The following CDH7 variants were observed in gnomAD, a reference collection of about 807,000 sequenced individuals.
CDH7 encodes cadherin 7.
A neutral mutation model predicts 71.8 loss-of-function variants in CDH7; 25 were observed. The observed-to-expected ratio is 0.35, with a 90% CI of 0.25 to 0.49. The LOEUF (loss-of-function observed/expected upper bound fraction) is 0.49. Among genes scored for constraint, CDH7 ranks in the 20% least tolerant of loss-of-function variants. CDH7 has a pLI of 0.99. For synonymous variants in CDH7, 381 were observed against 363.8 expected, an observed-to-expected ratio of 1.05 and a Z score of -0.54; for missense variants, 862 against 974.6, an observed-to-expected ratio of 0.88 and a Z score of 1.54.
intron 2 of CDH7, among the ~76,000 whole-genome samples, chr18:65,804,518 T>C (rs2143892338): frequency 6.6e-6 from 1 of 152,322 alleles, no homozygotes; most frequent in South Asian, 2.1e-4. Flanking sequence ...AGGTAGTTCA[T>C]ATCATGCTTA....
intron 2 of CDH7, among the ~76,000 whole-genome samples, chr18:65,772,057 G>A (rs1916560202): frequency 6.6e-6 from 1 of 152,094 alleles, no homozygotes. Context: ...CCCTTAGAAT[G>A]TTTGCTTATC....
At chr18:65,780,666 C>A (rs1655346253) in intron 2 of CDH7, among the ~76,000 whole-genome samples, 1 of 150,054 alleles carries the variant, frequency 6.7e-6, no homozygotes, top group Non-Finnish European at 1.5e-5. Flanking sequence ...TGATCTATAT[C>A]TCTGTTTTGG....
intron 7 of CDH7, among the ~76,000 whole-genome samples, chr18:65,853,646 T>TGGATGTTCA (rs1375501232): frequency 6.6e-6 from 1 of 152,010 alleles, no homozygotes; most frequent in South Asian, 2.1e-4. Context: ...AGGACTGTTC[T>TGGATGTTCA]GGATGTTCAG....
At position 65,862,670 on chromosome 18, in the gene CDH7, C is replaced by A. The variant is rs547647013; in HGVS notation, c.1617C>A (p.Asn539Lys). The A allele has an allele frequency of 2.5e-6, 4 of 1,613,976 alleles. No individual in the cohort carries two copies. The South Asian group carries it at 4.4e-5, about 18-fold the overall frequency. ...CATTTGCTTTCGTTATCCTAGACAA[C>A]ACAGCCTCAATACTGACCAGGAGAA... is the stretch of plus-strand genomic sequence containing the variant. ...HNFSLKDNKDNTASILTRRNG... is the reference protein window; with the variant it reads ...HNFSLKDNKDKTASILTRRNG... The change falls in exon 11 of 12, where the codon AAC becomes AAA. Residue 539 changes from asparagine (N) to lysine (K), a missense_variant. Asn to Lys is a moderately conservative substitution (Grantham distance 94). Transcript: ENST00000397968.
At chr18:65,854,131 C>A (rs1390235950) in intron 7 of CDH7, among the ~76,000 whole-genome samples, 16 of 151,070 alleles carry the variant, frequency 1.1e-4, no homozygotes, top group Admixed American at 1.1e-3. Flanking sequence ...AATAGTGAGA[C>A]CGTATCTCTA....
At chr18:65,786,752 T>C in intron 2 of CDH7, among the ~76,000 whole-genome samples, 1 of 152,218 alleles carries the variant, frequency 6.6e-6, no homozygotes, top group African/African-American at 2.4e-5. Flanking sequence ...GGTGCAGTCA[T>C]AGCTCACTGA....
chr18:65,751,846 C>T (rs186423095), intron 1 of CDH7, among the ~76,000 whole-genome samples: 90 of 152,264 alleles, frequency 5.9e-4, no homozygotes, highest in African/African-American at 1.8e-3. Context: ...TGCTACTTGC[C>T]GGTATTCAAC....
At chr18:65,832,370 A>G (rs112798156) in intron 6 of CDH7, among the ~76,000 whole-genome samples, 2 of 152,238 alleles carry the variant, frequency 1.3e-5, no homozygotes, top group African/African-American at 2.4e-5. Flanking sequence ...ATTTGAAAAA[A>G]GAATAAATAG....
At chr18:65,838,351 G>C (rs1246465660) in intron 6 of CDH7, among the ~76,000 whole-genome samples, 3 of 152,192 alleles carry the variant, frequency 2.0e-5, no homozygotes, top group Non-Finnish European at 4.4e-5. Flanking sequence ...AAAAGCTACA[G>C]ATATTGAAAG....
At chr18:65,827,629 G>A (rs537267786) in intron 6 of CDH7, among the ~76,000 whole-genome samples, 1 of 151,872 alleles carries the variant, frequency 6.6e-6, no homozygotes, top group East Asian at 1.9e-4. Flanking sequence ...ACTCTTAAAG[G>A]GGATTGCGCA....
chr18:65,817,320 T>C (rs1202085789), intron 4 of CDH7, among the ~76,000 whole-genome samples: 2 of 152,168 alleles, frequency 1.3e-5, no homozygotes, highest in Non-Finnish European at 2.9e-5. Flanking sequence ...CACGCCCGGT[T>C]CTCATTCTAT....
At chr18:65,853,953 A>G (rs1347275591) in intron 7 of CDH7, among the ~76,000 whole-genome samples, 28 of 96,834 alleles carry the variant, frequency 2.9e-4, no homozygotes, top group Non-Finnish European at 5.4e-4. Context: ...ATATATATAT[A>G]TATGCTATTT....
intron 2 of CDH7, among the ~76,000 whole-genome samples, chr18:65,787,274 TAAG>T (rs934928141): frequency 1.3e-5 from 2 of 152,212 alleles, no homozygotes; most frequent in Admixed American, 6.5e-5. Context: ...CTTCTACATA[TAAG>T]AAGGATTATT....
intron 2 of CDH7, among the ~76,000 whole-genome samples, chr18:65,776,581 G>A (rs113045729): frequency 0.013 from 1,995 of 152,158 alleles, 55 homozygotes; most frequent in African/African-American, 0.046. Context: ...AGATAAATGA[G>A]ATTGCTTGTT....
chr18:65,806,987 T>C (rs1031487222), intron 2 of CDH7, among the ~76,000 whole-genome samples: 2 of 152,146 alleles, frequency 1.3e-5, no homozygotes, highest in Non-Finnish European at 2.9e-5. Flanking sequence ...CAAGCAATTT[T>C]CTGCTTGTGA....
intron 5 of CDH7, among the ~76,000 whole-genome samples, chr18:65,823,509 A>T (rs1290127814): frequency 1.3e-5 from 2 of 151,830 alleles, no homozygotes; most frequent in Non-Finnish European, 3.0e-5. Context: ...GGGATATACC[A>T]TTGTTATTCA....
intron 2 of CDH7, among the ~76,000 whole-genome samples, chr18:65,781,759 TTTCTTTCTTTCCTTCC>T (rs1910199754): frequency 2.7e-5 from 1 of 37,422 alleles, no homozygotes. Context: ...GATTTCTTTC[TTTCTTTCTTTCCTTCC>T]TTCCTTCCTT....
rs1385311167 is a variant in CDH7 at position 65,781,880 on chromosome 18, G to T, written c.210+18828G>T. On this transcript the variant is annotated intron_variant, in intron 2 of 11. Transcript: ENST00000397968. The stretch of plus-strand genomic sequence containing the variant: ...TTTCTTTCTTTCTCTCTCTCTCTCT[G>T]TCTCTCTCTCTCTTTCTCTCTATCT... Among the ~76,000 whole-genome samples the T allele has an allele frequency of 6.6e-3, 172 of 25,888 alleles. 24 individuals are homozygous for T. The highest frequency in any genetic ancestry group is 0.028 in the African/African-American group (137 of 4,852). 17.0% of individuals were successfully genotyped at this position (25,888 alleles called of 152,430 possible).
chr18:65,868,418 C>T (rs1027690646), intron 11 of CDH7, among the ~76,000 whole-genome samples: 3 of 152,118 alleles, frequency 2.0e-5, no homozygotes, highest in African/African-American at 7.2e-5. Context: ...TGTCAGAGTC[C>T]GGACCCAAAC....
Sources: gnomAD v4.1 joint callset for allele counts (sites outside exome capture counted in the v4.1 genomes callset) on GRCh38, gnomAD v4.1.1 for gene constraint, MANE v1.5 for transcripts, NCBI Gene and HGNC (gene_info 2026-07-23, HGNC 2026-07-21) for gene names.